The following LARGE1 variants were observed in gnomAD, a reference collection of about 807,000 sequenced individuals.
LARGE1 encodes xylosyl- and glucuronyltransferase LARGE1.
In LARGE1, 43 loss-of-function variants were observed where a neutral mutation model predicts 87.6. The observed-to-expected ratio is 0.49, with a 90% CI of 0.38 to 0.63. The LOEUF (loss-of-function observed/expected upper bound fraction) is 0.63. Among genes scored for constraint, LARGE1 ranks in the 30% least tolerant of loss-of-function variants. The pLI, the probability that LARGE1 is intolerant of heterozygous loss-of-function variation, is 0.00. For synonymous variants in LARGE1, 434 were observed against 394.6 expected, an observed-to-expected ratio of 1.10 and a Z score of -1.18; for missense variants, 802 against 1,000.2, an observed-to-expected ratio of 0.80 and a Z score of 2.67.
intron 6 of LARGE1, among the ~76,000 whole-genome samples, chr22:33,561,066 G>A (rs889244145): frequency 2.6e-5 from 4 of 152,118 alleles, no homozygotes; most frequent in Non-Finnish European, 1.5e-5. Context: ...TGCCGGGCTC[G>A]GCCTCCCAAA....
intron 2 of LARGE1, among the ~76,000 whole-genome samples, chr22:33,678,432 A>C (rs2081645284): frequency 6.6e-6 from 1 of 152,174 alleles, no homozygotes; most frequent in African/African-American, 2.4e-5. Flanking sequence ...CCACCACCTA[A>C]ATGCATACAC....
chr22:33,143,739 C>T, the LARGE1 span, among the ~76,000 whole-genome samples: 8 of 152,174 alleles, frequency 5.3e-5, no homozygotes, highest in East Asian at 1.9e-4. Flanking sequence ...CCAAATCTAG[C>T]GACCAAGACT....
the LARGE1 span, among the ~76,000 whole-genome samples, chr22:33,078,215 G>T: frequency 6.6e-6 from 1 of 152,134 alleles, no homozygotes; most frequent in African/African-American, 2.4e-5. Context: ...CTAGAGTCCT[G>T]CAGCTTTACA....
intron 2 of LARGE1, among the ~76,000 whole-genome samples, chr22:33,736,064 A>C (rs936934157): frequency 2.6e-5 from 4 of 152,188 alleles, no homozygotes; most frequent in Non-Finnish European, 4.4e-5. Context: ...GGTAGTTTTC[A>C]CTTCTTGGTT....
At chr22:33,812,697 T>C (rs1283801342) in intron 1 of LARGE1, among the ~76,000 whole-genome samples, 1 of 152,228 alleles carries the variant, frequency 6.6e-6, no homozygotes, top group African/African-American at 2.4e-5. Context: ...TCCCTTTGTG[T>C]GGATATTTCA....
intron 11 of LARGE1, among the ~76,000 whole-genome samples, chr22:33,310,524 C>T (rs1327638781): frequency 2.0e-5 from 3 of 152,054 alleles, no homozygotes; most frequent in Non-Finnish European, 4.4e-5. Context: ...TCTTTCTGAA[C>T]GGAATTCCAG....
intron 10 of LARGE1, among the ~76,000 whole-genome samples, chr22:33,327,835 T>G (rs115876308): frequency 0.059 from 9,042 of 152,246 alleles, 557 homozygotes; most frequent in African/African-American, 0.17. Flanking sequence ...GAGCCACTAT[T>G]CCCAGCTTGG....
At chr22:33,835,955 T>A (rs2063097394) in intron 1 of LARGE1, among the ~76,000 whole-genome samples, 1 of 152,216 alleles carries the variant, frequency 6.6e-6, no homozygotes. Context: ...CTTTACAAAG[T>A]CAGAAACAGC....
intron 6 of LARGE1, among the ~76,000 whole-genome samples, chr22:33,474,096 C>CT (rs915046221): frequency 6.6e-6 from 1 of 152,178 alleles, no homozygotes; most frequent in African/African-American, 2.4e-5. Context: ...TCTGGATAAT[C>CT]TTTTTCACTC....
rs546980474 is a variant in LARGE1, at chr22:33,274,066, T to G, written c.*361A>C. 1.5e-4 allele frequency: 62 copies of G among 419,972 alleles called. No homozygotes were observed. The highest frequency in any genetic ancestry group is 2.0e-4 in the Non-Finnish European group (46 of 230,922). The allele number at this position is 419,972 out of a possible 1,614,324, so 26.0% of individuals were successfully genotyped here. A position where few individuals can be genotyped will look rare whatever the true frequency, so the allele number is the denominator to read the frequency against. On this transcript the variant is annotated 3_prime_UTR_variant, in exon 15 of 15. Coordinates refer to ENST00000397394, the MANE Select transcript of LARGE1 (RefSeq NM_133642.5). Reference sequence around the variant, plus strand: ...GACTTCCCTTTCTCCCCAGTTATGATGGGAAGCATAATTATTAAAAAGCAT... The same window carrying G: ...GACTTCCCTTTCTCCCCAGTTATGAGGGGAAGCATAATTATTAAAAAGCAT...
chr22:33,150,158 ATCAC>A, the LARGE1 span, among the ~76,000 whole-genome samples: 2 of 152,214 alleles, frequency 1.3e-5, no homozygotes, highest in Non-Finnish European at 2.9e-5. Context: ...AACTCACCAG[ATCAC>A]CACATCCAGA....
At chr22:33,549,734 G>A (rs1490232969) in intron 6 of LARGE1, among the ~76,000 whole-genome samples, 6 of 152,170 alleles carry the variant, frequency 3.9e-5, no homozygotes, top group South Asian at 2.1e-4. Context: ...CACATGGATC[G>A]TGGACTATGA....
At chr22:33,120,077 G>A in the LARGE1 span, among the ~76,000 whole-genome samples, 1 of 151,928 alleles carries the variant, frequency 6.6e-6, no homozygotes, top group Non-Finnish European at 1.5e-5. Context: ...ACCCATATTT[G>A]AAATTAGTAA....
chr22:33,619,211 G>A (rs1286996494), intron 4 of LARGE1, among the ~76,000 whole-genome samples: 2 of 152,046 alleles, frequency 1.3e-5, no homozygotes, highest in Admixed American at 6.6e-5. Context: ...AATGATTATG[G>A]AGATCACAAC....
the LARGE1 span, among the ~76,000 whole-genome samples, chr22:33,072,388 G>A: frequency 6.6e-6 from 1 of 152,110 alleles, no homozygotes; most frequent in Non-Finnish European, 1.5e-5. Flanking sequence ...ATTTTCCAGG[G>A]AAATGAAAAA....
intron 1 of LARGE1, among the ~76,000 whole-genome samples, chr22:33,877,566 A>G (rs1256575946): frequency 6.6e-6 from 1 of 152,120 alleles, no homozygotes; most frequent in African/African-American, 2.4e-5. Flanking sequence ...ATGTAATACG[A>G]TGATACAGGA....
At chr22:33,660,586 A>G (rs965060077) in intron 2 of LARGE1, among the ~76,000 whole-genome samples, 1 of 152,198 alleles carries the variant, frequency 6.6e-6, no homozygotes, top group Admixed American at 6.5e-5. Context: ...GACGGTCTCC[A>G]ATGGTTGAGT....
At chr22:33,364,763 C>A (rs1242202582) in intron 9 of LARGE1, among the ~76,000 whole-genome samples, 2 of 152,158 alleles carry the variant, frequency 1.3e-5, no homozygotes, top group African/African-American at 4.8e-5. Flanking sequence ...GTGGCACAAT[C>A]ACAGGTCACT....
chr22:33,148,793 T>C, the LARGE1 span, among the ~76,000 whole-genome samples: 1 of 152,306 alleles, frequency 6.6e-6, no homozygotes, highest in Non-Finnish European at 1.5e-5. Flanking sequence ...TATCTCATTG[T>C]GGCTTTAGTT....
Sources: gnomAD v4.1 joint callset for allele counts (sites outside exome capture counted in the v4.1 genomes callset) on GRCh38, gnomAD v4.1.1 for gene constraint, MANE v1.5 for transcripts, NCBI Gene and HGNC (gene_info 2026-07-23, HGNC 2026-07-21) for gene names.